The following GABARAPL2 variants were observed in gnomAD, a reference collection of about 807,000 sequenced individuals.
GABARAPL2 encodes gamma-aminobutyric acid receptor-associated protein-like 2.
GABARAPL2 carries 11 observed loss-of-function variants against 16.9 expected under a neutral mutation model. That is an observed-to-expected ratio of 0.65 (90% CI 0.41 to 1.08). GABARAPL2 has a LOEUF of 1.08. GABARAPL2 is among the 50% of genes least tolerant of loss of function. The probability of loss-of-function intolerance (pLI) is 0.00; values close to 1 mark genes in which losing one functional copy is unlikely to be tolerated. For synonymous variants in GABARAPL2, 57 were observed against 50.7 expected (o/e 1.12, Z -0.53); for missense variants, 134 against 142.5 (o/e 0.94, Z 0.30).
chr16:75,570,880 G>A (rs896097091), intron 3 of GABARAPL2, among the ~76,000 whole-genome samples: 26 of 152,172 alleles, frequency 1.7e-4, no homozygotes, highest in Non-Finnish European at 3.2e-4. Context: ...ACGGAATGGG[G>A]AACCATGCCT....
rs372145253 is a variant in GABARAPL2 at position 75,566,465 on chromosome 16, C to T, written c.-22C>T. The T allele has an allele frequency of 4.3e-5, 69 of 1,592,882 alleles. 1 individual carries two copies. In the African/African-American group the frequency reaches 7.8e-4, roughly 18 times the overall value. On this transcript the variant is annotated 5_prime_UTR_variant, in exon 1 of 4. Coordinates refer to ENST00000037243, the MANE Select transcript of GABARAPL2 (RefSeq NM_007285.7). ...AGCTCCGCGGCTCCGCGAGCCGGTT[C>T]CGTCCCCTTCCCGCCGCCGCCATGA...
chr16:75,568,673 C>G (rs906065391), intron 3 of GABARAPL2, among the ~76,000 whole-genome samples: 2 of 152,226 alleles, frequency 1.3e-5, no homozygotes, highest in African/African-American at 4.8e-5. Context: ...GCCTGATCCT[C>G]AAGTCTGACA....
chr16:75,566,386 G>T lies in GABARAPL2; in HGVS notation c.-101G>T. ...AAGTCCCGCCTGCCGTGTAGTCGCC[G>T]CCGTCGCTGCCGCTGCCGCTGCCGC... is the stretch of plus-strand genomic sequence containing the variant. On this transcript the variant is annotated 5_prime_UTR_variant, in exon 1 of 4. Coordinates refer to ENST00000037243, the MANE Select transcript of GABARAPL2 (RefSeq NM_007285.7). 1 of 869,294 alleles carries T rather than the reference G, an allele frequency of 1.2e-6. No homozygotes were observed. Among genetic ancestry groups the T allele is most frequent in the East Asian group, 2.9e-5 (1 of 34,118 alleles). The allele number at this position is 869,294 out of a possible 1,614,324, so 53.8% of individuals were successfully genotyped here. A position where few individuals can be genotyped will look rare whatever the true frequency, so the allele number is the denominator to read the frequency against.
intron 1 of GABARAPL2, 84 bp from the exon 2 acceptor site, chr16:75,566,768 C>CA: frequency 7.6e-7 from 1 of 1,308,552 alleles, no homozygotes. Context: ...GGGTTGTACG[C>CA]AGGGCGCAGG....
At chr16:75,572,731 T>TC (rs1208660856) in intron 3 of GABARAPL2, 1 of 152,242 alleles carries the variant, frequency 6.6e-6, no homozygotes, top group Admixed American at 6.5e-5. Flanking sequence ...GGGTCCCACT[T>TC]CACCTTAGAT....
intron 3 of GABARAPL2, among the ~76,000 whole-genome samples, chr16:75,568,972 A>G (rs2080899882): frequency 1.3e-5 from 2 of 152,106 alleles, no homozygotes; most frequent in South Asian, 4.2e-4. Context: ...TCCAGATTCC[A>G]GCCCCCACCT....
At position 75,567,988 on chromosome 16, in the gene GABARAPL2, A is replaced by G. The variant is rs143894870; in HGVS notation, c.91-49A>G. On this transcript the variant is annotated intron_variant, in intron 2 of 3. Transcript: ENST00000037243. The stretch of plus-strand genomic sequence containing the variant: ...ATCAGCTCCTCAGCCATGTGAGGCC[A>G]GAGCCTCGCTTTAGGAAACACAGTC... 416 of 1,473,534 alleles carry G rather than the reference A, an allele frequency of 2.8e-4. 2 individuals carry two copies. The East Asian group carries it at 8.0e-3, about 28-fold the overall frequency. The allele number at this position is 1,473,534 out of a possible 1,614,324, so 91.3% of individuals were successfully genotyped here.
At chr16:75,571,577 A>G (rs1390899289) in intron 3 of GABARAPL2, among the ~76,000 whole-genome samples, 1 of 152,124 alleles carries the variant, frequency 6.6e-6, no homozygotes, top group Non-Finnish European at 1.5e-5. Flanking sequence ...GGCCCAATTA[A>G]TGACTTCTCA....
intron 3 of GABARAPL2, among the ~76,000 whole-genome samples, chr16:75,569,672 GTTC>G (rs2080903792): frequency 1.3e-5 from 2 of 152,146 alleles, no homozygotes; most frequent in South Asian, 4.1e-4. Flanking sequence ...TGATTCTCTG[GTTC>G]TTCTCAAAGG....
Position 75,577,531 on chromosome 16 carries a change from T to G in GABARAPL2, c.*162T>G. 2 of 566,686 alleles carry G rather than the reference T, an allele frequency of 3.5e-6. No individual in the cohort carries two copies. The highest frequency in any genetic ancestry group is 5.7e-5 in the East Asian group (2 of 35,036). 35.1% of individuals were successfully genotyped at this position (566,686 alleles called of 1,614,324 possible). A position where few individuals can be genotyped will look rare whatever the true frequency, so the allele number is the denominator to read the frequency against. ...GGAAGGTTTTGTTTCCTTAGACTAG[T>G]AAATTATCATACAGAGTTTTATTTT... On this transcript the variant is annotated 3_prime_UTR_variant, in exon 4 of 4. Transcript: ENST00000037243.
chr16:75,566,452 C>T lies in GABARAPL2; in HGVS notation c.-35C>T, dbSNP rs554597998. The T allele has an allele frequency of 1.3e-6, 2 of 1,552,222 alleles. No individual in the cohort carries two copies. Among genetic ancestry groups the T allele is most frequent in the East Asian group, 4.7e-5 (2 of 42,780 alleles). Reference sequence around the variant, plus strand: ...GCTCGGTGCGCTGAGCTCCGCGGCTCCGCGAGCCGGTTCCGTCCCCTTCCC... The same window carrying T: ...GCTCGGTGCGCTGAGCTCCGCGGCTTCGCGAGCCGGTTCCGTCCCCTTCCC... On this transcript the variant is annotated 5_prime_UTR_variant, in exon 1 of 4. Transcript: ENST00000037243.
chr16:75,573,330 G>C (rs56381812), intron 3 of GABARAPL2, among the ~76,000 whole-genome samples: 1 of 152,282 alleles, frequency 6.6e-6, no homozygotes, highest in African/African-American at 2.4e-5. Context: ...AAATTATTCT[G>C]ACTCTGCATG....
chr16:75,577,342 C>T lies in GABARAPL2; in HGVS notation c.327C>T (p.Tyr109=). 2 of 1,611,510 alleles carry T rather than the reference C, an allele frequency of 1.2e-6. No individual in the cohort carries two copies. Among genetic ancestry groups the T allele is most frequent in the Non-Finnish European group, 8.5e-7 (1 of 1,177,596 alleles). ...KDEDGFLYVA[Y]SGENTFGF is the part of the protein sequence containing the mutation. The stretch of plus-strand genomic sequence containing the variant: ...AAGATGGATTCTTATATGTGGCCTA[C>T]AGCGGAGAGAACACTTTTGGCTTCT... Residue 109 remains tyrosine (Y), a synonymous_variant, in exon 4 of 4, where the codon TAC becomes TAT. Transcript: ENST00000037243.
chr16:75,572,303 C>G (rs1209057724), intron 3 of GABARAPL2: 1 of 152,282 alleles, frequency 6.6e-6, no homozygotes, highest in African/African-American at 2.4e-5. Context: ...CACCTCCCAC[C>G]ACCCATCCTG....
chr16:75,575,993 T>C lies in GABARAPL2; in HGVS notation c.264-1286T>C, dbSNP rs141619105. 3.9e-5 allele frequency: 6 copies of C among 152,368 alleles called. No individual in the cohort carries two copies. The East Asian group carries it at 1.2e-3, about 29-fold the overall frequency. 9.4% of individuals were successfully genotyped at this position (152,368 alleles called of 1,614,324 possible). Reference sequence around the variant, plus strand: ...GAGCCAGACTTTCAAGTGCTGAATGTAGCTAGTGGCTGCTGTGGCAGTGAT... The same window carrying C: ...GAGCCAGACTTTCAAGTGCTGAATGCAGCTAGTGGCTGCTGTGGCAGTGAT... On this transcript the variant is annotated intron_variant, in intron 3 of 3. Coordinates refer to ENST00000037243, the MANE Select transcript of GABARAPL2 (RefSeq NM_007285.7).
At position 75,577,789 on chromosome 16, in the gene GABARAPL2, CA is replaced by C. The variant is rs1413395341; in HGVS notation, c.*422del. On this transcript the variant is annotated 3_prime_UTR_variant, in exon 4 of 4. Coordinates refer to ENST00000037243, the MANE Select transcript of GABARAPL2 (RefSeq NM_007285.7). ...GAACACTTGCTTCACTAGAATATGC[CA>C]ACTGCCAATCATGTTGGACTGAGCT... 6 of 161,216 alleles carry C rather than the reference CA, an allele frequency of 3.7e-5. No individual in the cohort carries two copies. Among genetic ancestry groups the C allele is most frequent in the Non-Finnish European group, 6.8e-5 (5 of 73,096 alleles). The allele number at this position is 161,216 out of a possible 1,614,324, so 10.0% of individuals were successfully genotyped here.
Position 75,568,319 on chromosome 16 carries a change from T to A in GABARAPL2, c.263+110T>A, listed in dbSNP as rs546777842. ...AACTCTTAGGGGTCCTGACTAGAAA[T>A]CTGGATTTTATGCTCCCTGACATCA... On this transcript the variant is annotated intron_variant, in intron 3 of 3. Coordinates refer to ENST00000037243, the MANE Select transcript of GABARAPL2 (RefSeq NM_007285.7). 1.5e-4 allele frequency: 101 copies of A among 694,396 alleles called. No individual in the cohort carries two copies. In the African/African-American group the frequency reaches 1.6e-3, roughly 11 times the overall value. The allele number at this position is 694,396 out of a possible 1,614,324, so 43.0% of individuals were successfully genotyped here. A position where few individuals can be genotyped will look rare whatever the true frequency, so the allele number is the denominator to read the frequency against.
chr16:75,566,442 C>G lies in GABARAPL2; in HGVS notation c.-45C>G. ...TTGTTGTTGTGCTCGGTGCGCTGAG[C>G]TCCGCGGCTCCGCGAGCCGGTTCCG... On this transcript the variant is annotated 5_prime_UTR_variant, in exon 1 of 4. Transcript: ENST00000037243. The G allele has an allele frequency of 6.9e-7, 1 of 1,450,394 alleles. No individual in the cohort carries two copies. Among genetic ancestry groups the G allele is most frequent in the East Asian group, 2.4e-5 (1 of 41,622 alleles). 89.8% of individuals were successfully genotyped at this position (1,450,394 alleles called of 1,614,324 possible).
intron 3 of GABARAPL2, among the ~76,000 whole-genome samples, chr16:75,573,658 C>T (rs1416162272): frequency 6.6e-6 from 1 of 152,226 alleles, no homozygotes; most frequent in Non-Finnish European, 1.5e-5. Flanking sequence ...GCAGCAGTCG[C>T]CTTACCTGGG....
Sources: allele counts gnomAD v4.1 joint callset (sites outside exome capture counted in the v4.1 genomes callset), GRCh38; gene constraint gnomAD v4.1.1; transcripts MANE v1.5; gene names NCBI Gene and HGNC (gene_info 2026-07-23, HGNC 2026-07-21).